The following SYT14 variants were observed in gnomAD, a reference collection of about 807,000 sequenced individuals.
SYT14 encodes the protein synaptotagmin 14, also known as synaptotagmin-14.
Under a neutral mutation model 74.2 loss-of-function variants are expected in SYT14, and 32 were observed. That is an observed-to-expected ratio of 0.43 (90% CI 0.33 to 0.58). SYT14 has a LOEUF of 0.58. Ranked by LOEUF, SYT14 falls within the 20% of genes least tolerant of loss-of-function variation. SYT14 has a pLI of 0.05. For synonymous variants in SYT14, 298 were observed against 337.7 expected, an observed-to-expected ratio of 0.88 and a Z score of 1.29; for missense variants, 791 against 981.8, an observed-to-expected ratio of 0.81 and a Z score of 2.60.
chr1:210,140,245 A>G (rs1332914208), intron 7 of SYT14, among the ~76,000 whole-genome samples: 1 of 152,108 alleles, frequency 6.6e-6, no homozygotes, highest in African/African-American at 2.4e-5. Flanking sequence ...CTTATTGACC[A>G]TTCGTGTATC....
intron 2 of SYT14, among the ~76,000 whole-genome samples, chr1:209,973,308 C>T (rs568157223): frequency 6.6e-6 from 1 of 151,952 alleles, no homozygotes; most frequent in African/African-American, 2.4e-5. Context: ...TGTGCTGCAC[C>T]CATTAACTCG....
chr1:210,105,348 CCA>C (rs1356757842), intron 7 of SYT14, among the ~76,000 whole-genome samples: 1 of 152,162 alleles, frequency 6.6e-6, no homozygotes, highest in Non-Finnish European at 1.5e-5. Context: ...TCAGGTGTGG[CCA>C]GGTGACTTGC....
chr1:209,949,250 C>T (rs1397986537), intron 1 of SYT14, among the ~76,000 whole-genome samples: 2 of 152,024 alleles, frequency 1.3e-5, no homozygotes, highest in African/African-American at 4.8e-5. Flanking sequence ...TTTCCTTATA[C>T]TCCTCCCAGT....
At chr1:210,161,537 G>A (rs762527771) in exon 10 of SYT14, 2 of 453,946 alleles carry the variant, frequency 4.4e-6, no homozygotes, top group Middle Eastern at 6.9e-4. Context: ...TAATGGTGAA[G>A]GGTTTCAGTC....
At chr1:210,053,716 A>G (rs1019530742) in intron 5 of SYT14, among the ~76,000 whole-genome samples, 4 of 152,168 alleles carry the variant, frequency 2.6e-5, no homozygotes, top group Non-Finnish European at 5.9e-5. Flanking sequence ...AACTTCTGGT[A>G]CCAATCTCAT....
chr1:210,054,585 A>G (rs2081062304), intron 5 of SYT14, among the ~76,000 whole-genome samples: 1 of 152,154 alleles, frequency 6.6e-6, no homozygotes, highest in African/African-American at 2.4e-5. Flanking sequence ...TGATACGTAG[A>G]AAAGTAGATT....
intron 5 of SYT14, among the ~76,000 whole-genome samples, chr1:210,078,439 CA>C (rs931563019): frequency 2.0e-5 from 3 of 150,342 alleles, no homozygotes; most frequent in African/African-American, 7.3e-5. Flanking sequence ...TCTTGACAAA[CA>C]CTAAAAAAGT....
intron 2 of SYT14, among the ~76,000 whole-genome samples, chr1:209,989,888 T>C: frequency 6.6e-6 from 1 of 152,136 alleles, no homozygotes; most frequent in East Asian, 1.9e-4. Context: ...AACTCTAAGA[T>C]ATATTTATAT....
chr1:210,055,372 TTAAA>T (rs1045300436), intron 5 of SYT14, among the ~76,000 whole-genome samples: 1 of 152,194 alleles, frequency 6.6e-6, no homozygotes, highest in African/African-American at 2.4e-5. Context: ...ATGTATAAAA[TTAAA>T]TAGGTATGCC....
intron 2 of SYT14, among the ~76,000 whole-genome samples, chr1:209,982,339 G>A (rs2079501506): frequency 6.6e-6 from 1 of 151,872 alleles, no homozygotes; most frequent in South Asian, 2.1e-4. Context: ...TATTTTTCTT[G>A]GAGACAAGGT....
At chr1:209,971,375 T>A (rs2079253421) in intron 2 of SYT14, among the ~76,000 whole-genome samples, 1 of 151,938 alleles carries the variant, frequency 6.6e-6, no homozygotes, top group African/African-American at 2.4e-5. Context: ...TACCTTTCAT[T>A]TCTTTCTCTT....
intron 7 of SYT14, among the ~76,000 whole-genome samples, chr1:210,130,262 A>C (rs2082646871): frequency 6.6e-6 from 1 of 152,202 alleles, no homozygotes; most frequent in Non-Finnish European, 1.5e-5. Flanking sequence ...AAATATTAAA[A>C]TTATTTCTCT....
chr1:210,057,488 T>C (rs2081122358), intron 5 of SYT14, among the ~76,000 whole-genome samples: 1 of 152,238 alleles, frequency 6.6e-6, no homozygotes, highest in Non-Finnish European at 1.5e-5. Flanking sequence ...TTGCTTTGGA[T>C]ATTCTTTTGT....
chr1:210,144,527 T>C (rs1272006096), intron 7 of SYT14, among the ~76,000 whole-genome samples: 1 of 152,032 alleles, frequency 6.6e-6, no homozygotes, highest in Non-Finnish European at 1.5e-5. Flanking sequence ...ATATTACTCA[T>C]TTATATACTC....
intron 8 of SYT14, among the ~76,000 whole-genome samples, chr1:210,158,902 T>C (rs1399866186): frequency 1.3e-5 from 2 of 152,172 alleles, no homozygotes; most frequent in Admixed American, 6.5e-5. Context: ...AACTATGTTA[T>C]AGACTGAATA....
Position 210,104,842 on chromosome 1 carries a change from G to A in SYT14, c.2034+4381G>A, listed in dbSNP as rs114372260. 2.5e-3 allele frequency among the ~76,000 whole-genome samples: 377 copies of A among 152,146 alleles called. 1 individual carries two copies. The highest frequency in any genetic ancestry group is 8.6e-3 in the African/African-American group (359 of 41,510). ...AGCAATAATAATAGTGAGGCTATTG[G>A]ACAATTCTCAGAATATAGGAGTCTT... On this transcript the variant is annotated intron_variant, in intron 7 of 9. Transcript: ENST00000637265.
chr1:209,946,939 G>A (rs1458667307), intron 1 of SYT14, among the ~76,000 whole-genome samples: 2 of 152,184 alleles, frequency 1.3e-5, no homozygotes, highest in Non-Finnish European at 2.9e-5. Flanking sequence ...GGGTTCTTAA[G>A]GATGCTAAAT....
exon 10 of SYT14, chr1:210,168,746 T>C (rs1179278797): frequency 6.6e-6 from 1 of 152,202 alleles, no homozygotes; most frequent in African/African-American, 2.4e-5. Flanking sequence ...AGTTTCTGAG[T>C]GTGCCAACCT....
intron 2 of SYT14, among the ~76,000 whole-genome samples, chr1:209,959,216 C>G (rs1254342548): frequency 6.6e-6 from 1 of 152,076 alleles, no homozygotes; most frequent in Admixed American, 6.6e-5. Context: ...GATCTCAGCT[C>G]ACTACAACCT....
Sources: allele counts gnomAD v4.1 joint callset (sites outside exome capture counted in the v4.1 genomes callset), GRCh38; gene constraint gnomAD v4.1.1; transcripts MANE v1.5; gene names NCBI Gene and HGNC (gene_info 2026-07-23, HGNC 2026-07-21).